RNASEH2B: variants seen among roughly 807,000 people sequenced by gnomAD.
RNASEH2B encodes Aicardi-Goutieres syndrome 2 protein.
RNASEH2B carries 36 observed loss-of-function variants against 45.0 expected under a neutral mutation model. That is an observed-to-expected ratio of 0.80 (90% CI 0.61 to 1.06). The LOEUF (loss-of-function observed/expected upper bound fraction) is 1.06. RNASEH2B is among the 50% of genes least tolerant of loss of function. RNASEH2B has a pLI of 0.00. For missense variants in RNASEH2B, 361 were observed against 360.3 expected (o/e 1.00, Z -0.02); for synonymous variants, 119 against 125.7 (o/e 0.95, Z 0.35).
At chr13:50,922,588 G>A (rs1277757367) in intron 1 of RNASEH2B, among the ~76,000 whole-genome samples, 1 of 152,182 alleles carries the variant, frequency 6.6e-6, no homozygotes, top group Non-Finnish European at 1.5e-5. Context: ...AAGAAATACA[G>A]ACTTTACAGA....
chr13:50,927,394 G>A lies in RNASEH2B; in HGVS notation c.65-13G>A, dbSNP rs1176797481. Reference sequence around the variant, plus strand: ...GTGTGTTTTAATTTTAGATATTCACGGTTTATTTTCAGAATATTTAAAAGA... The same window carrying A: ...GTGTGTTTTAATTTTAGATATTCACAGTTTATTTTCAGAATATTTAAAAGA... On this transcript the variant is annotated splice_polypyrimidine_tract_variant and intron_variant, in intron 1 of 10. Coordinates refer to ENST00000336617, the MANE Select transcript of RNASEH2B (RefSeq NM_024570.4). 16 of 1,490,634 alleles carry A rather than the reference G, an allele frequency of 1.1e-5. No individual in the cohort carries two copies. The highest frequency in any genetic ancestry group is 2.3e-5 in the East Asian group (1 of 44,168). The allele number at this position is 1,490,634 out of a possible 1,614,324, so 92.3% of individuals were successfully genotyped here.
At chr13:50,970,041 C>G (rs1952205066) in exon 10 of RNASEH2B, 3 of 1,446,850 alleles carry the variant, frequency 2.1e-6, no homozygotes, top group African/African-American at 1.4e-5. Context: ...ACTTTTTCTT[C>G]TGCACTTTTT....
intron 1 of RNASEH2B, chr13:50,911,183 C>A (rs990713401): frequency 1.3e-5 from 2 of 152,192 alleles, no homozygotes; most frequent in African/African-American, 4.8e-5. Context: ...TCCTAGATAG[C>A]CCCAGGAACC....
intron 1 of RNASEH2B, chr13:50,912,969 T>A (rs1175488352): frequency 2.6e-5 from 4 of 152,180 alleles, no homozygotes; most frequent in African/African-American, 9.7e-5. Context: ...TATTTAAATG[T>A]TTGATTTAGG....
In RNASEH2B at chr13:50,953,985, G is replaced by T; in HGVS notation, c.822G>T (p.Lys274Asn). 1.3e-6 allele frequency: 2 copies of T among 1,582,016 alleles called. No individual in the cohort carries two copies. The highest frequency in any genetic ancestry group is 1.7e-6 in the Non-Finnish European group (2 of 1,150,986). ...ATACTAAAGATTTGAAGACTGAAAA[G>T]GTATGTGGGTTCAGGTGTAGTGGTG... The part of the protein sequence containing the change: ...KFNTKDLKTE[K>N]KNSKMTAAQK... The change falls in exon 10 of 11, where the codon AAG (lysine) becomes AAT (asparagine). Residue 274 changes from lysine to asparagine, a missense_variant and splice_region_variant. Physicochemically the swap from Lys to Asn is moderately conservative, Grantham distance 94 (BLOSUM62 0). Coordinates refer to ENST00000336617, the MANE Select transcript of RNASEH2B (RefSeq NM_024570.4).
intron 2 of RNASEH2B, chr13:50,928,553 A>G (rs1418266179): frequency 1.3e-5 from 2 of 152,260 alleles, no homozygotes; most frequent in Non-Finnish European, 2.9e-5. Context: ...TGTTTTATCT[A>G]AATGCTCATA....
intron 1 of RNASEH2B, among the ~76,000 whole-genome samples, chr13:50,921,486 T>G (rs1951524225): frequency 6.6e-6 from 1 of 152,188 alleles, no homozygotes; most frequent in Non-Finnish European, 1.5e-5. Flanking sequence ...AGAAAAAGGG[T>G]GGAGCCTCCA....
intron 7 of RNASEH2B, 46 bp from the exon 8 acceptor site, chr13:50,947,941 T>C: frequency 6.2e-7 from 1 of 1,602,666 alleles, no homozygotes; most frequent in Non-Finnish European, 8.5e-7. Flanking sequence ...CCACCATAAT[T>C]ACTATTTTTT....
intron 9 of RNASEH2B, 57 bp from the exon 10 acceptor site, chr13:50,953,848 G>T: frequency 8.6e-7 from 1 of 1,163,272 alleles, no homozygotes; most frequent in Admixed American, 1.7e-5. Context: ...TTTTTTTAAT[G>T]GATTGATGTT....
rs1951889048 is a variant in RNASEH2B at position 50,945,473 on chromosome 13, G to T, written c.557G>T (p.Ser186Ile). The change falls in exon 7 of 11, where the codon AGT (serine) becomes ATT (isoleucine). Residue 186 changes from serine (S) to isoleucine (I), a missense_variant. Ser to Ile is a moderately radical substitution (Grantham distance 142). Coordinates refer to ENST00000336617, the MANE Select transcript of RNASEH2B (RefSeq NM_024570.4). Reference sequence around the variant, plus strand: ...TTAAAAACCAATAATGTGAATGTCAGTTCCCGGGTACAGTCAACTGCATTT... The same window carrying T: ...TTAAAAACCAATAATGTGAATGTCATTTCCCGGGTACAGTCAACTGCATTT... Reference protein sequence around the residue: ...AALKTNNVNVSSRVQSTAFFS... With the variant: ...AALKTNNVNVISRVQSTAFFS... The T allele has an allele frequency of 1.2e-6, 2 of 1,613,678 alleles. No individual in the cohort carries two copies.
intron 5 of RNASEH2B, chr13:50,941,571 T>C (rs1163105828): frequency 6.6e-6 from 1 of 152,144 alleles, no homozygotes; most frequent in Non-Finnish European, 1.5e-5. Context: ...GTGAGCTTCT[T>C]TTGGAGTTTT....
intron 5 of RNASEH2B, chr13:50,938,906 C>CTA (rs1481918840): frequency 6.6e-6 from 1 of 152,186 alleles, no homozygotes; most frequent in East Asian, 1.9e-4. Context: ...TAAAGACTTA[C>CTA]TATAATCAAG....
chr13:50,929,404 C>T, intron 2 of RNASEH2B, 71 bp from the exon 3 acceptor site: 1 of 919,298 alleles, frequency 1.1e-6, no homozygotes, highest in Non-Finnish European at 1.8e-6. Context: ...ACTGGATAGT[C>T]TTTTGGGGTG....
chr13:50,970,409 C>G, exon 10 of RNASEH2B: 1 of 293,394 alleles, frequency 3.4e-6, no homozygotes, highest in Non-Finnish European at 6.2e-6. Context: ...TATACCTAAA[C>G]GTTGGCATTT....
At chr13:50,943,539 G>A in intron 6 of RNASEH2B, 145 bp downstream of exon 6, 2 of 680,480 alleles carry the variant, frequency 2.9e-6, no homozygotes, top group Non-Finnish European at 5.3e-6. Context: ...CCAAGTATGA[G>A]AAGAAGGCTT....
intron 9 of RNASEH2B, chr13:50,953,656 G>A: frequency 1.8e-6 from 1 of 541,416 alleles, no homozygotes; most frequent in Non-Finnish European, 3.3e-6. Context: ...ACCAGCTAAG[G>A]GGCTCAGCCA....
At chr13:50,918,752 A>G (rs1203365749) in intron 1 of RNASEH2B, among the ~76,000 whole-genome samples, 3 of 152,200 alleles carry the variant, frequency 2.0e-5, no homozygotes, top group Non-Finnish European at 4.4e-5. Flanking sequence ...AAGTGTTTCC[A>G]AGGAAGTATC....
At chr13:50,932,561 A>C (rs1019120051) in intron 4 of RNASEH2B, among the ~76,000 whole-genome samples, 1 of 152,226 alleles carries the variant, frequency 6.6e-6, no homozygotes, top group Non-Finnish European at 1.5e-5. Context: ...TTGCATTTGA[A>C]TCATCTGTGC....
intron 5 of RNASEH2B, chr13:50,935,201 T>G: frequency 1.7e-6 from 1 of 578,546 alleles, no homozygotes; most frequent in Non-Finnish European, 3.1e-6. Flanking sequence ...CATGGCAGTC[T>G]AGGGCCTACG....
Sources: allele counts gnomAD v4.1 joint callset (sites outside exome capture counted in the v4.1 genomes callset), GRCh38; gene constraint gnomAD v4.1.1; transcripts MANE v1.5; gene names NCBI Gene and HGNC (gene_info 2026-07-23, HGNC 2026-07-21).